Variants in ZNF599 observed in about 807,000 individuals in gnomAD.
The protein encoded by ZNF599 is zinc finger protein 599.
A neutral mutation model predicts 11.7 loss-of-function variants in ZNF599; 10 were observed. That is an observed-to-expected ratio of 0.86 (90% CI 0.53 to 1.45). The LOEUF is 1.45. ZNF599 is among the 40% of genes most tolerant of loss of function. The pLI, the probability that ZNF599 is intolerant of heterozygous loss-of-function variation, is 0.00. For synonymous variants in ZNF599, 232 were observed against 253.2 expected, an observed-to-expected ratio of 0.92 and a Z score of 0.79; for missense variants, 688 against 713.6, an observed-to-expected ratio of 0.96 and a Z score of 0.41.
chr19:34,772,775 A>G, intron 1 of ZNF599, 49 bp downstream of exon 1: 4 of 1,535,100 alleles, frequency 2.6e-6, no homozygotes, highest in Non-Finnish European at 2.6e-6. Context: ...GGATGGGTGC[A>G]TGCGGGCGGT....
chr19:34,773,824 A>C (rs1410896254), upstream of ZNF599, among the ~76,000 whole-genome samples: 1 of 152,134 alleles, frequency 6.6e-6, no homozygotes, highest in Non-Finnish European at 1.5e-5. Context: ...TTTGGTGGGA[A>C]GTAACTAAGA....
chr19:34,768,036 T>C (rs2069156769), intron 2 of ZNF599, among the ~76,000 whole-genome samples: 1 of 152,188 alleles, frequency 6.6e-6, no homozygotes, highest in Admixed American at 6.5e-5. Context: ...CAGAAGACTC[T>C]GGAGAGAAGT....
chr19:34,777,577 T>A (rs1568497176), upstream of ZNF599, among the ~76,000 whole-genome samples: 1 of 128,864 alleles, frequency 7.8e-6, no homozygotes, highest in African/African-American at 2.9e-5. Flanking sequence ...AAATATATAT[T>A]TATATATATC....
At chr19:34,797,227 G>A in the ZNF599 span, among the ~76,000 whole-genome samples, 1 of 152,100 alleles carries the variant, frequency 6.6e-6, no homozygotes, top group Non-Finnish European at 1.5e-5. Context: ...TGGACATTTG[G>A]GTTGGTTCCA....
the ZNF599 span, among the ~76,000 whole-genome samples, chr19:34,805,589 C>T: frequency 6.6e-6 from 1 of 152,166 alleles, no homozygotes; most frequent in Non-Finnish European, 1.5e-5. Context: ...TTCTCCATTT[C>T]CAGATACCAC....
At chr19:34,775,700 T>C (rs2069214707), upstream of ZNF599, among the ~76,000 whole-genome samples, 1 of 152,254 alleles carries the variant, frequency 6.6e-6, no homozygotes, top group Non-Finnish European at 1.5e-5. Context: ...CTGCTGTAAC[T>C]TAGACCAAAC....
chr19:34,792,808 A>G, the ZNF599 span, among the ~76,000 whole-genome samples: 1 of 151,954 alleles, frequency 6.6e-6, no homozygotes, highest in Non-Finnish European at 1.5e-5. Context: ...GCTTACCGTG[A>G]GCGGAGATCG....
At chr19:34,767,932 G>A (rs913291998) in intron 2 of ZNF599, among the ~76,000 whole-genome samples, 1 of 152,188 alleles carries the variant, frequency 6.6e-6, no homozygotes, top group African/African-American at 2.4e-5. Flanking sequence ...TTCTCATTAG[G>A]TAAAGTAAGA....
At chr19:34,777,403 T>TATATATTAATTA, upstream of ZNF599, among the ~76,000 whole-genome samples, 1 of 88,464 alleles carries the variant, frequency 1.1e-5, no homozygotes, top group South Asian at 2.9e-4. Flanking sequence ...TAATATATAT[T>TATATATTAATTA]ATATATAATA....
At chr19:34,783,856 G>C in the ZNF599 span, among the ~76,000 whole-genome samples, 108 of 152,058 alleles carry the variant, frequency 7.1e-4, no homozygotes, top group East Asian at 0.02. Context: ...CACCTGCCTC[G>C]TAACTCTAGG....
At chr19:34,779,234 C>G in the ZNF599 span, among the ~76,000 whole-genome samples, 2 of 148,638 alleles carry the variant, frequency 1.3e-5, no homozygotes. Context: ...TATGTGCCAC[C>G]ATGCCCAGCT....
chr19:34,796,748 G>A, the ZNF599 span, among the ~76,000 whole-genome samples: 1 of 152,158 alleles, frequency 6.6e-6, no homozygotes, highest in South Asian at 2.1e-4. Context: ...GTATGAGTGA[G>A]CATTTTATGT....
chr19:34,792,326 G>C, the ZNF599 span, among the ~76,000 whole-genome samples: 1 of 152,128 alleles, frequency 6.6e-6, no homozygotes, highest in South Asian at 2.1e-4. Context: ...GGGCCAAATG[G>C]AACAAAATCC....
At chr19:34,796,856 C>T in the ZNF599 span, among the ~76,000 whole-genome samples, 1 of 152,152 alleles carries the variant, frequency 6.6e-6, no homozygotes, top group Non-Finnish European at 1.5e-5. Flanking sequence ...TATCTTTATG[C>T]ACAAAACGGC....
chr19:34,792,639 A>G, the ZNF599 span, among the ~76,000 whole-genome samples: 1 of 152,102 alleles, frequency 6.6e-6, no homozygotes, highest in African/African-American at 2.4e-5. Flanking sequence ...CAAAGTGGGC[A>G]GATCACGAGG....
At position 34,770,326 on chromosome 19, in the gene ZNF599, C is replaced by T. The variant is rs186483310; in HGVS notation, c.19-771G>A. ...TCGGGTCCAGGATCTATGGGTGTAA[C>T]CCCTGTACTCCTCCATCACCACAGT... On this transcript the variant is annotated intron_variant, in intron 1 of 3. Coordinates refer to ENST00000329285, the MANE Select transcript of ZNF599 (RefSeq NM_001007248.3). Among the ~76,000 whole-genome samples the T allele has an allele frequency of 2.7e-3, 419 of 152,370 alleles. 3 individuals carry two copies. Among genetic ancestry groups the T allele is most frequent in the African/African-American group, 9.7e-3 (403 of 41,590 alleles).
At position 34,759,448 on chromosome 19, in the gene ZNF599, A is replaced by AT; in HGVS notation, c.1352dup (p.Tyr451Ter). 6.2e-7 allele frequency: 1 copy of AT among 1,614,166 alleles called. No individual in the cohort carries two copies. Among genetic ancestry groups the AT allele is most frequent in the Non-Finnish European group, 8.5e-7 (1 of 1,179,992 alleles). The change falls in exon 4 of 4, where the codon TAT (tyrosine) becomes TAAT (stop). Residue 451 changes from tyrosine to a stop codon, truncating the protein, a stop_gained and frameshift_variant. Coordinates refer to ENST00000329285, the MANE Select transcript of ZNF599 (RefSeq NM_001007248.3). LOFTEE classifies it low-confidence loss of function (END_TRUNC). Reference protein sequence around the residue: ...HMRIHTGEKPYECSECGKAFT... With the variant: ...HMRIHTGEKP ...AAGCCTTTCCACATTCACTGCACTC[A>AT]TAAGGCTTCTCACCAGTGTGAATCC...
chr19:34,800,582 C>CTTTTTTTTT, the ZNF599 span, among the ~76,000 whole-genome samples: 2 of 73,834 alleles, frequency 2.7e-5, no homozygotes, highest in African/African-American at 9.7e-5. Flanking sequence ...CTAGCATTTC[C>CTTTTTTTTT]TTTGTTTTTT....
At chr19:34,803,304 A>G in the ZNF599 span, among the ~76,000 whole-genome samples, 1 of 152,288 alleles carries the variant, frequency 6.6e-6, no homozygotes, top group Admixed American at 6.5e-5. Context: ...GTCCTTGGGG[A>G]AAAGGAAAGG....
Sources: allele counts gnomAD v4.1 joint callset (sites outside exome capture counted in the v4.1 genomes callset), GRCh38; gene constraint gnomAD v4.1.1; transcripts MANE v1.5; gene names NCBI Gene and HGNC (gene_info 2026-07-23, HGNC 2026-07-21).